Variants in ZNF385D observed in about 807,000 individuals in gnomAD.
ZNF385D encodes zinc finger protein 659.
ZNF385D carries 15 observed loss-of-function variants against 35.8 expected under a neutral mutation model. The ratio of observed to expected loss-of-function variants is 0.42; its 90% confidence interval spans 0.28 to 0.64. The LOEUF (loss-of-function observed/expected upper bound fraction) is 0.64, where lower values mean the gene tolerates loss of function less well. ZNF385D is among the 30% of genes least tolerant of loss of function. The pLI, the probability that ZNF385D is intolerant of heterozygous loss-of-function variation, is 0.23. For missense variants in ZNF385D, 474 were observed against 494.6 expected (o/e 0.96, Z 0.39); for synonymous variants, 212 against 186.8 (o/e 1.13, Z -1.10).
intron 3 of ZNF385D, among the ~76,000 whole-genome samples, chr3:21,904,501 A>G (rs1312185877): frequency 6.6e-6 from 1 of 152,136 alleles, no homozygotes; most frequent in Admixed American, 6.6e-5. Context: ...ACTGAGATAC[A>G]AAAGAATGTT....
chr3:22,137,629 C>A (rs1015666960), intron 3 of ZNF385D, among the ~76,000 whole-genome samples: 3 of 152,154 alleles, frequency 2.0e-5, no homozygotes, highest in African/African-American at 7.2e-5. Context: ...GCCCTTCATG[C>A]TAAAAGCTCT....
At chr3:21,741,551 TA>T (rs1180056706) in intron 1 of ZNF385D, among the ~76,000 whole-genome samples, 1 of 152,092 alleles carries the variant, frequency 6.6e-6, no homozygotes, top group Non-Finnish European at 1.5e-5. Context: ...TCATAAGTTG[TA>T]AATTGTCACA....
Position 22,255,355 on chromosome 3 carries a change from C to A in ZNF385D, c.107-86320G>T, listed in dbSNP as rs140331570. The stretch of plus-strand genomic sequence containing the variant: ...ATTTAATGTGGAAATAATGAACAGA[C>A]AAATATATTATTGTTTTACTTCTAA... On this transcript the variant is annotated intron_variant, in intron 2 of 5. Transcript: ENST00000494108. 1.1e-3 allele frequency among the ~76,000 whole-genome samples: 162 copies of A among 151,242 alleles called. 1 individual carries two copies. The East Asian group carries it at 0.03, about 28-fold the overall frequency.
chr3:21,442,654 C>A (rs1172710078), intron 4 of ZNF385D, among the ~76,000 whole-genome samples: 4 of 146,562 alleles, frequency 2.7e-5, no homozygotes, highest in Admixed American at 2.7e-4. Flanking sequence ...TTAAAAGTCC[C>A]TTTATTTGTG....
intron 3 of ZNF385D, among the ~76,000 whole-genome samples, chr3:21,778,169 A>G (rs990676566): frequency 6.6e-6 from 1 of 151,966 alleles, no homozygotes; most frequent in Non-Finnish European, 1.5e-5. Context: ...AAAGAAAGCC[A>G]ATCAGTGCCC....
At chr3:21,594,628 A>G (rs957350491) in intron 2 of ZNF385D, among the ~76,000 whole-genome samples, 1 of 152,198 alleles carries the variant, frequency 6.6e-6, no homozygotes, top group African/African-American at 2.4e-5. Flanking sequence ...AGCAGACATG[A>G]CATAGCCACC....
intron 4 of ZNF385D, among the ~76,000 whole-genome samples, chr3:21,444,146 C>G (rs1702012496): frequency 6.8e-6 from 1 of 147,990 alleles, no homozygotes; most frequent in Admixed American, 6.8e-5. Flanking sequence ...GTTGCACAAT[C>G]TCGGCCCACT....
chr3:22,192,583 G>C (rs1696132870), intron 2 of ZNF385D, among the ~76,000 whole-genome samples: 1 of 152,128 alleles, frequency 6.6e-6, no homozygotes, highest in South Asian at 2.1e-4. Flanking sequence ...CCATGTGTGT[G>C]AACTACCATG....
intron 1 of ZNF385D, among the ~76,000 whole-genome samples, chr3:21,703,130 G>C (rs2067754749): frequency 6.6e-6 from 1 of 152,102 alleles, no homozygotes; most frequent in African/African-American, 2.4e-5. Flanking sequence ...CCAGAGACCA[G>C]GAAGAAAAAG....
intron 3 of ZNF385D, among the ~76,000 whole-genome samples, chr3:21,865,126 T>C (rs1364366444): frequency 6.8e-6 from 1 of 146,244 alleles, no homozygotes; most frequent in Non-Finnish European, 1.5e-5. Context: ...GTGGTATAAT[T>C]TGGTTGTTTT....
intron 2 of ZNF385D, among the ~76,000 whole-genome samples, chr3:22,279,508 ATATG>A (rs1242336060): frequency 2.2e-5 from 3 of 137,592 alleles, no homozygotes; most frequent in African/African-American, 9.4e-5. Flanking sequence ...ATGTACATAT[ATATG>A]TATATACATA....
chr3:21,505,586 C>T (rs1706714087), intron 4 of ZNF385D, among the ~76,000 whole-genome samples: 2 of 152,132 alleles, frequency 1.3e-5, no homozygotes, highest in Non-Finnish European at 2.9e-5. Context: ...GACCACCAGA[C>T]ATTGCCTAAC....
At chr3:21,940,229 G>A (rs761906345) in intron 3 of ZNF385D, among the ~76,000 whole-genome samples, 13 of 151,888 alleles carry the variant, frequency 8.6e-5, no homozygotes, top group South Asian at 2.1e-4. Context: ...TAAGTGTAAC[G>A]TATCATCAGG....
intron 3 of ZNF385D, among the ~76,000 whole-genome samples, chr3:21,914,737 AAAGAGTTTTACTT>A (rs1700116394): frequency 1.3e-5 from 2 of 152,074 alleles, no homozygotes; most frequent in Non-Finnish European, 2.9e-5. Context: ...GCATCTTAAG[AAAGAGTTTTACTT>A]GAAATATTCT....
At chr3:21,823,450 CAT>C (rs1491093393) in intron 3 of ZNF385D, among the ~76,000 whole-genome samples, 1,981 of 152,150 alleles carry the variant, frequency 0.013, 38 homozygotes, top group African/African-American at 0.044. Context: ...CACACACACA[CAT>C]GCACATACAC....
intron 4 of ZNF385D, among the ~76,000 whole-genome samples, chr3:21,495,739 C>T (rs1382948108): frequency 6.6e-6 from 1 of 151,798 alleles, no homozygotes; most frequent in African/African-American, 2.4e-5. Flanking sequence ...AAAAAACATA[C>T]AAAAGATCAA....
At chr3:22,326,127 C>G (rs550984557) in intron 2 of ZNF385D, among the ~76,000 whole-genome samples, 1 of 152,110 alleles carries the variant, frequency 6.6e-6, no homozygotes, top group Non-Finnish European at 1.5e-5. Context: ...TCAATTTTGC[C>G]TCTGAATTTG....
intron 3 of ZNF385D, among the ~76,000 whole-genome samples, chr3:22,157,958 G>A (rs1705698624): frequency 6.6e-6 from 1 of 152,060 alleles, no homozygotes; most frequent in East Asian, 1.9e-4. Context: ...AGTTCCCTGG[G>A]AATAACTCTA....
chr3:21,511,946 A>T (rs1328966375), intron 3 of ZNF385D, among the ~76,000 whole-genome samples: 1 of 151,724 alleles, frequency 6.6e-6, no homozygotes, highest in Non-Finnish European at 1.5e-5. Flanking sequence ...CAAGAGATCA[A>T]GACTATCCTG....
Sources: gnomAD v4.1 joint callset for allele counts (sites outside exome capture counted in the v4.1 genomes callset) on GRCh38, gnomAD v4.1.1 for gene constraint, MANE v1.5 for transcripts, NCBI Gene and HGNC (gene_info 2026-07-23, HGNC 2026-07-21) for gene names.